The following SNX1 variants were observed in gnomAD, a reference collection of about 807,000 sequenced individuals.
The protein encoded by SNX1 is sorting nexin-1.
Under a neutral mutation model 71.8 loss-of-function variants are expected in SNX1, and 36 were observed. That is an observed-to-expected ratio of 0.50 (90% CI 0.38 to 0.66). The LOEUF (loss-of-function observed/expected upper bound fraction) is 0.66. Among genes scored for constraint, SNX1 ranks in the 30% least tolerant of loss-of-function variants. The pLI, the probability that SNX1 is intolerant of heterozygous loss-of-function variation, is 0.00. For synonymous variants in SNX1, 254 were observed against 240.7 expected, an observed-to-expected ratio of 1.06 and a Z score of -0.51; for missense variants, 612 against 646.7, an observed-to-expected ratio of 0.95 and a Z score of 0.58.
At chr15:64,098,689 CAAA>C (rs11448636) in intron 1 of SNX1, among the ~76,000 whole-genome samples, 10 of 100,288 alleles carry the variant, frequency 1.0e-4, no homozygotes, top group Non-Finnish European at 8.3e-5. Flanking sequence ...GACTCTCTCT[CAAA>C]AAAAAAAAAA....
rs1423442382 is a variant in SNX1 at position 64,142,751 on chromosome 15, C to T, written c.*5133C>T. Reference sequence around the variant, plus strand: ...CTGAAGATGAGGACTGGACTTCGAGCTGGTGTGATCCCAGTATTCAGTGTC... The same window carrying T: ...CTGAAGATGAGGACTGGACTTCGAGTTGGTGTGATCCCAGTATTCAGTGTC... On this transcript the variant is annotated 3_prime_UTR_variant, in exon 15 of 15. Coordinates refer to ENST00000559844, the MANE Select transcript of SNX1 (RefSeq NM_003099.5). 4.4e-6 allele frequency: 2 copies of T among 454,222 alleles called. No individual in the cohort carries two copies. Among genetic ancestry groups the T allele is most frequent in the East Asian group, 7.0e-5 (1 of 14,384 alleles). 28.1% of individuals were successfully genotyped at this position (454,222 alleles called of 1,614,324 possible). A position where few individuals can be genotyped will look rare whatever the true frequency, so the allele number is the denominator to read the frequency against.
chr15:64,108,208 G>T (rs926250729), intron 1 of SNX1, among the ~76,000 whole-genome samples: 3 of 151,574 alleles, frequency 2.0e-5, no homozygotes, highest in Non-Finnish European at 4.4e-5. Context: ...AAAAAAAAAG[G>T]TTATAAAGCA....
At chr15:64,116,622 C>A (rs2081131922) in intron 2 of SNX1, among the ~76,000 whole-genome samples, 1 of 152,158 alleles carries the variant, frequency 6.6e-6, no homozygotes, top group Non-Finnish European at 1.5e-5. Context: ...GAAAAAGAAG[C>A]AGCAGCATTC....
At position 64,129,979 on chromosome 15, in the gene SNX1, GC is replaced by G. The variant is rs1335273244; in HGVS notation, c.873del (p.Thr292GlnfsTer7). On this transcript the variant is annotated frameshift_variant, in exon 9 of 15. Coordinates refer to ENST00000559844, the MANE Select transcript of SNX1 (RefSeq NM_003099.5). LOFTEE classifies it high-confidence loss of function. This position sits in a 1 kb window ranked among gnomAD's most constrained non-coding sequence, Gnocchi z 4.4. Reference sequence around the variant, plus strand: ...TGGTCTCCTCAAGATGTTCAACAAAGCCACAGATGCCGTCAGCAAAATGACC... The same window carrying G: ...TGGTCTCCTCAAGATGTTCAACAAAGCACAGATGCCGTCAGCAAAATGACC... ...GAGLLKMFNK[A>X]TDAVSKMTIK... 6.2e-7 allele frequency: 1 copy of G among 1,614,096 alleles called. No homozygotes were observed.
In SNX1 at chr15:64,134,099, C is replaced by G. The variant is rs1162888176; in HGVS notation, c.1222-565C>G. 6.6e-6 allele frequency: 1 copy of G among 152,278 alleles called. No homozygotes were observed. The highest frequency in any genetic ancestry group is 2.4e-5 in the African/African-American group (1 of 41,440). The allele number at this position is 152,278 out of a possible 1,614,324, so 9.4% of individuals were successfully genotyped here. On this transcript the variant is annotated intron_variant, in intron 11 of 14. Coordinates refer to ENST00000559844, the MANE Select transcript of SNX1 (RefSeq NM_003099.5). This position sits in a 1 kb window ranked among gnomAD's most constrained non-coding sequence, Gnocchi z 4.1. ...CATTATTTGGGTGTCAGTTTAAAGG[C>G]TGGGTCCTTAGGGTGGACTTCCCTG...
intron 5 of SNX1, among the ~76,000 whole-genome samples, chr15:64,124,035 G>A (rs2081222278): frequency 6.6e-6 from 1 of 151,470 alleles, no homozygotes; most frequent in Non-Finnish European, 1.5e-5. Flanking sequence ...TAGTCTTAAA[G>A]TTGAGTATCA....
Position 64,142,497 on chromosome 15 carries a change from G to C in SNX1, c.*4879G>C, listed in dbSNP as rs961057814. ...CAGAGCCATGTTTGGAAGAAAATGG[G>C]GTCCAGAGCACAGGAAGGGGACCTG... is the stretch of plus-strand genomic sequence containing the variant. On this transcript the variant is annotated 3_prime_UTR_variant, in exon 15 of 15. Coordinates refer to ENST00000559844, the MANE Select transcript of SNX1 (RefSeq NM_003099.5). The C allele has an allele frequency of 1.5e-4, 51 of 343,306 alleles. No homozygotes were observed. The highest frequency in any genetic ancestry group is 9.1e-4 in the African/African-American group (42 of 46,378). 21.3% of individuals were successfully genotyped at this position (343,306 alleles called of 1,614,324 possible). A position where few individuals can be genotyped will look rare whatever the true frequency, so the allele number is the denominator to read the frequency against.
chr15:64,126,820 C>G (rs1401596908), intron 6 of SNX1, among the ~76,000 whole-genome samples: 1 of 152,088 alleles, frequency 6.6e-6, no homozygotes. Flanking sequence ...CCTCGTGGTC[C>G]GCCCGCCTTG....
intron 1 of SNX1, among the ~76,000 whole-genome samples, chr15:64,108,462 C>G (rs1412649432): frequency 6.6e-6 from 1 of 152,066 alleles, no homozygotes; most frequent in African/African-American, 2.4e-5. Context: ...GGACTCAAAT[C>G]TCGTGGAAGA....
intron 6 of SNX1, 125 bp from the exon 7 acceptor site, chr15:64,127,049 A>G: frequency 1.4e-5 from 10 of 702,962 alleles, no homozygotes; most frequent in Non-Finnish European, 2.5e-5. Context: ...TGCATATAAC[A>G]TAGAAGTGGC....
At chr15:64,106,019 A>G (rs931942088) in intron 1 of SNX1, among the ~76,000 whole-genome samples, 5 of 152,246 alleles carry the variant, frequency 3.3e-5, no homozygotes, top group Non-Finnish European at 5.9e-5. Flanking sequence ...AATTATATTG[A>G]AATTCAGTTT....
At chr15:64,120,171 G>A (rs971424610) in intron 4 of SNX1, among the ~76,000 whole-genome samples, 1 of 150,938 alleles carries the variant, frequency 6.6e-6, no homozygotes, top group East Asian at 1.9e-4. Context: ...CAGGAGTGGT[G>A]TTTATACAGT....
intron 11 of SNX1, 69 bp downstream of exon 11, chr15:64,131,961 C>T: frequency 1.3e-6 from 2 of 1,525,478 alleles, no homozygotes; most frequent in South Asian, 1.1e-5. Flanking sequence ...GGTCCCCTTC[C>T]CAAGACAGTT....
chr15:64,131,915 C>G (rs765998523), intron 11 of SNX1, 23 bp downstream of exon 11: 1 of 1,608,076 alleles, frequency 6.2e-7, no homozygotes, highest in South Asian at 1.1e-5. Context: ...TTCCTTTTCT[C>G]CTCCTTCCCT....
At chr15:64,136,692 A>G (rs1260571111) in intron 13 of SNX1, among the ~76,000 whole-genome samples, 169 bp from the exon 14 acceptor site, 1 of 152,124 alleles carries the variant, frequency 6.6e-6, no homozygotes, top group Non-Finnish European at 1.5e-5. Flanking sequence ...GCCCTCCAAC[A>G]AAGCCTTTCA....
At position 64,129,178 on chromosome 15, in the gene SNX1, C is replaced by T. The variant is rs2140155784; in HGVS notation, c.808-738C>T. ...AGGATAATCACTTGAACCCTGGAGG[C>T]AGAGGTTGCCGTGAGCTGAGATCGT... On this transcript the variant is annotated intron_variant, in intron 8 of 14. Transcript: ENST00000559844. This position sits in a 1 kb window ranked among gnomAD's most constrained non-coding sequence, Gnocchi z 4.4. 6.6e-6 allele frequency among the ~76,000 whole-genome samples: 1 copy of T among 151,498 alleles called. No homozygotes were observed. Among genetic ancestry groups the T allele is most frequent in the South Asian group, 2.1e-4 (1 of 4,816 alleles).
rs2081020162 is a variant in SNX1 at position 64,106,200 on chromosome 15, C to T, written c.160-6373C>T. On this transcript the variant is annotated intron_variant, in intron 1 of 14. Transcript: ENST00000559844. ...CTTATCTTTATGATTAATGTATATGCCAAATTTCAGTTCAAGGTTAATGAA... is the reference window on the plus strand; with the variant it reads ...CTTATCTTTATGATTAATGTATATGTCAAATTTCAGTTCAAGGTTAATGAA... Among the ~76,000 whole-genome samples, 3 of 152,036 alleles carry T rather than the reference C, an allele frequency of 2.0e-5. No homozygotes were observed. In the South Asian group the frequency reaches 6.2e-4, roughly 32 times the overall value.
chr15:64,125,512 G>A (rs1465745858), intron 5 of SNX1, among the ~76,000 whole-genome samples: 1 of 150,996 alleles, frequency 6.6e-6, no homozygotes. Context: ...GGGCATGGTA[G>A]CGTGTGCCTG....
rs1217799411 is a variant in SNX1 at position 64,118,264 on chromosome 15, G to T, written c.399+20G>T. On this transcript the variant is annotated intron_variant, in intron 3 of 14. Transcript: ENST00000559844. ...GAGGAGGTGAGGATCTGTGCTCTTG[G>T]TCTTATCGCTTTTAGATATTGAGGA... 2.5e-6 allele frequency: 4 copies of T among 1,600,152 alleles called. No individual in the cohort carries two copies. The Admixed American group carries it at 5.6e-5, about 22-fold the overall frequency.
Sources: allele counts gnomAD v4.1 joint callset (sites outside exome capture counted in the v4.1 genomes callset), GRCh38; gene constraint gnomAD v4.1.1; non-coding constraint Gnocchi (gnomAD v3.1); transcripts MANE v1.5; gene names NCBI Gene and HGNC (gene_info 2026-07-23, HGNC 2026-07-21).